Variants in HCST observed in about 807,000 individuals in gnomAD.
The protein encoded by HCST is hematopoietic cell signal transducer.
HCST carries 12 observed loss-of-function variants against 10.8 expected under a neutral mutation model. That is an observed-to-expected ratio of 1.12 (90% confidence interval 0.72 to 1.81). The LOEUF is 1.81. Ranked by LOEUF, HCST falls within the 40% of genes most tolerant of loss-of-function variation. HCST has a pLI of 0.00. For missense variants in HCST, 102 were observed against 117.9 expected, an observed-to-expected ratio of 0.87 and a Z score of 0.62; for synonymous variants, 59 against 51.6, an observed-to-expected ratio of 1.14 and a Z score of -0.61.
intron 2 of HCST, 122 bp from the exon 3 acceptor site, chr19:35,903,650 C>T: frequency 2.1e-6 from 3 of 1,409,212 alleles, no homozygotes; most frequent in East Asian, 2.3e-5. Context: ...ATTCCCCAAG[C>T]GCAACTCCAA....
rs768092136 is a variant in HCST at position 35,903,833 on chromosome 19, T to A, written c.171T>A (p.Asp57Glu). The change falls in exon 3 of 4, where the codon GAT becomes GAA. Residue 57 changes from aspartate to glutamate, a missense_variant. Transcript: ENST00000246551. ...TCCTGGCAGGCCTCGTGGCTGCTGATGCGGTGGCATCGCTGCTCATCGTGG... is the reference window on the plus strand; with the variant it reads ...TCCTGGCAGGCCTCGTGGCTGCTGAAGCGGTGGCATCGCTGCTCATCGTGG... ...LPLLAGLVAADAVASLLIVGA... is the reference protein window; with the variant it reads ...LPLLAGLVAAEAVASLLIVGA... 3 of 1,613,838 alleles carry A rather than the reference T, an allele frequency of 1.9e-6. No homozygotes were observed. The highest frequency in any genetic ancestry group is 1.1e-5 in the South Asian group (1 of 91,076).
At chr19:35,903,972 G>C in intron 3 of HCST, 69 bp downstream of exon 3, 1 of 1,575,356 alleles carries the variant, frequency 6.3e-7, no homozygotes, top group Admixed American at 1.8e-5. Context: ...CAGGGAGGGG[G>C]CCCTTGGGGA....
In HCST at chr19:35,903,758, C is replaced by A. The variant is rs1399434365; in HGVS notation, c.110-14C>A. 2.5e-6 allele frequency: 4 copies of A among 1,613,918 alleles called. No individual in the cohort carries two copies. In the Admixed American group the frequency reaches 5.0e-5, roughly 20 times the overall value. On this transcript the variant is annotated splice_polypyrimidine_tract_variant and intron_variant, in intron 2 of 3. Coordinates refer to ENST00000246551, the MANE Select transcript of HCST (RefSeq NM_014266.4). ...AGCTTGAGTTGTCTCCCTGTTCCGG[C>A]CCCCACTCTCCAGGCTCTTGTTCCG... is the stretch of plus-strand genomic sequence containing the variant.
chr19:35,902,708 G>C (rs971590285), intron 1 of HCST, 72 bp downstream of exon 1: 1 of 1,475,330 alleles, frequency 6.8e-7, no homozygotes. Flanking sequence ...CGTCTGCAGG[G>C]ACGGGTGATG....
At chr19:35,903,483 C>A in intron 2 of HCST, 67 bp downstream of exon 2, 1 of 1,343,578 alleles carries the variant, frequency 7.4e-7, no homozygotes, top group Non-Finnish European at 1.1e-6. Flanking sequence ...TCCAGGTCAC[C>A]ATCCCACCTC....
Position 35,903,879 on chromosome 19 carries a change from C to A in HCST, c.217C>A (p.Arg73Ser). The A allele has an allele frequency of 6.2e-7, 1 of 1,612,192 alleles. No homozygotes were observed. The highest frequency in any genetic ancestry group is 8.5e-7 in the Non-Finnish European group (1 of 1,179,562). Residue 73 changes from arginine to serine, a missense_variant, in exon 3 of 4, where the codon CGC becomes AGC. Arg to Ser is a moderately radical substitution (Grantham distance 110). Coordinates refer to ENST00000246551, the MANE Select transcript of HCST (RefSeq NM_014266.4). ...CGTGGGGGCGGTGTTCCTGTGCGCA[C>A]GCCCACGCCGCAGCCCCGCCCAAGG... ...LIVGAVFLCA[R>S]PRRSPAQEDG...
At chr19:35,903,072 C>G (rs1599635877) in intron 1 of HCST, 1 of 461,064 alleles carries the variant, frequency 2.2e-6, no homozygotes, top group Non-Finnish European at 4.0e-6. Context: ...CTCACGGCAG[C>G]CTTGACTTCC....
Position 35,903,877 on chromosome 19 carries a change from C to A in HCST, c.215C>A (p.Ala72Glu). The A allele has an allele frequency of 6.2e-7, 1 of 1,612,330 alleles. No individual in the cohort carries two copies. Among genetic ancestry groups the A allele is most frequent in the Non-Finnish European group, 8.5e-7 (1 of 1,179,646 alleles). Residue 72 changes from alanine to glutamate, a missense_variant, in exon 3 of 4, where the codon GCA (alanine) becomes GAA (glutamate). By Grantham distance (107) the Ala-to-Glu change is moderately radical. Transcript: ENST00000246551. ...ATCGTGGGGGCGGTGTTCCTGTGCG[C>A]ACGCCCACGCCGCAGCCCCGCCCAA... is the stretch of plus-strand genomic sequence containing the variant. Reference protein sequence around the residue: ...LLIVGAVFLCARPRRSPAQED... With the variant: ...LLIVGAVFLCERPRRSPAQED...
chr19:35,903,496 G>A (rs1975633828), intron 2 of HCST, 80 bp downstream of exon 2: 3 of 1,278,464 alleles, frequency 2.3e-6, no homozygotes, highest in South Asian at 1.2e-5. Context: ...CCCACCTCCC[G>A]TCCCCAAATC....
intron 3 of HCST, 40 bp downstream of exon 3, chr19:35,903,943 G>T (rs766860068): frequency 4.4e-6 from 7 of 1,591,316 alleles, no homozygotes; most frequent in Non-Finnish European, 6.0e-6. Context: ...GGTGTATAGT[G>T]TCCCTAGGGA....
intron 2 of HCST, 98 bp from the exon 3 acceptor site, chr19:35,903,674 C>G: frequency 1.3e-6 from 2 of 1,559,804 alleles, no homozygotes; most frequent in Non-Finnish European, 1.8e-6. Flanking sequence ...ACCTGGGACC[C>G]GCCCCCTCGC....
chr19:35,904,088 C>G lies in HCST; in HGVS notation c.242-32C>G, dbSNP rs377199669. On this transcript the variant is annotated intron_variant, in intron 3 of 3. Coordinates refer to ENST00000246551, the MANE Select transcript of HCST (RefSeq NM_014266.4). ...CCAGGGAAGTGGAGATATGGGTGGT[C>G]AAGCTTCATGCTTTCTCTCCCCTAT... The G allele has an allele frequency of 2.5e-6, 4 of 1,613,160 alleles. No individual in the cohort carries two copies. The African/African-American group carries it at 5.3e-5, about 22-fold the overall frequency.
chr19:35,904,354 A>G lies in HCST; in HGVS notation c.*194A>G. 2.5e-6 allele frequency: 2 copies of G among 807,102 alleles called. No homozygotes were observed. The highest frequency in any genetic ancestry group is 2.9e-5 in the South Asian group (2 of 68,952). The allele number at this position is 807,102 out of a possible 1,614,324, so 50.0% of individuals were successfully genotyped here. ...CTGTTTCTGGATCCAAGGCCCCCTC[A>G]GAACCCCCACATGTCCCCATCCCAT... is the stretch of plus-strand genomic sequence containing the variant. On this transcript the variant is annotated 3_prime_UTR_variant, in exon 4 of 4. Coordinates refer to ENST00000246551, the MANE Select transcript of HCST (RefSeq NM_014266.4).
chr19:35,903,797 C>T lies in HCST; in HGVS notation c.135C>T (p.Leu45=), dbSNP rs773145589. 1 of 1,614,106 alleles carries T rather than the reference C, an allele frequency of 6.2e-7. No individual in the cohort carries two copies. The highest frequency in any genetic ancestry group is 8.5e-7 in the Non-Finnish European group (1 of 1,180,016). Residue 45 remains leucine (L), a synonymous_variant, in exon 3 of 4, where the codon CTC becomes CTT. Transcript: ENST00000246551. ...GCTCTTGTTCCGGATGTGGGTCCCT[C>T]TCTCTGCCGCTCCTGGCAGGCCTCG... The part of the protein sequence containing the change: ...TSGSCSGCGS[L]SLPLLAGLVA...
chr19:35,904,288 C>T lies in HCST; in HGVS notation c.*128C>T, dbSNP rs956497351. On this transcript the variant is annotated 3_prime_UTR_variant, in exon 4 of 4. Coordinates refer to ENST00000246551, the MANE Select transcript of HCST (RefSeq NM_014266.4). ...TGAAACACCTGTAGTCGTATTCTTT[C>T]TCAAAGAACCCCAGAGTTCCCAAAG... 1 of 1,061,098 alleles carries T rather than the reference C, an allele frequency of 9.4e-7. No homozygotes were observed. The highest frequency in any genetic ancestry group is 1.4e-6 in the Non-Finnish European group (1 of 697,040). 65.7% of individuals were successfully genotyped at this position (1,061,098 alleles called of 1,614,324 possible).
At position 35,903,773 on chromosome 19, in the gene HCST, C is replaced by A. The variant is rs1195441556; in HGVS notation, c.111C>A (p.Gly37=). The A allele has an allele frequency of 1.2e-6, 2 of 1,614,022 alleles. No homozygotes were observed. Among genetic ancestry groups the A allele is most frequent in the Non-Finnish European group, 1.7e-6 (2 of 1,180,028 alleles). The part of the protein sequence containing the change: ...SLPAFYPGTS[G]SCSGCGSLSL... ...CCTGTTCCGGCCCCCACTCTCCAGG[C>A]TCTTGTTCCGGATGTGGGTCCCTCT... is the stretch of plus-strand genomic sequence containing the variant. The change falls in exon 3 of 4, where the codon GGC becomes GGA. Residue 37 remains glycine, a splice_region_variant and synonymous_variant. Coordinates refer to ENST00000246551, the MANE Select transcript of HCST (RefSeq NM_014266.4).
Position 35,904,315 on chromosome 19 carries a change from C to A in HCST, c.*155C>A. The stretch of plus-strand genomic sequence containing the variant: ...CAAAGAACCCCAGAGTTCCCAAAGC[C>A]TCCCTCCCATGAACTGTTTCTGGAT... On this transcript the variant is annotated 3_prime_UTR_variant, in exon 4 of 4. Transcript: ENST00000246551. 1.1e-6 allele frequency: 1 copy of A among 896,706 alleles called. No individual in the cohort carries two copies. The highest frequency in any genetic ancestry group is 1.8e-6 in the Non-Finnish European group (1 of 557,356). 55.5% of individuals were successfully genotyped at this position (896,706 alleles called of 1,614,324 possible).
At position 35,904,229 on chromosome 19, in the gene HCST, C is replaced by A. The variant is rs933268000; in HGVS notation, c.*69C>A. 6.8e-7 allele frequency: 1 copy of A among 1,481,144 alleles called. No homozygotes were observed. The highest frequency in any genetic ancestry group is 9.4e-7 in the Non-Finnish European group (1 of 1,064,432). 91.8% of individuals were successfully genotyped at this position (1,481,144 alleles called of 1,614,324 possible). ...GGATGGTGTGTGGTGGCACAGGAAC[C>A]CCCGCCCCAACTTTTGGATTGTAAT... is the stretch of plus-strand genomic sequence containing the variant. On this transcript the variant is annotated 3_prime_UTR_variant, in exon 4 of 4. Coordinates refer to ENST00000246551, the MANE Select transcript of HCST (RefSeq NM_014266.4).
chr19:35,902,842 C>T, intron 1 of HCST: 1 of 570,938 alleles, frequency 1.8e-6, no homozygotes, highest in Non-Finnish European at 3.1e-6. Context: ...TGTTAGCGTC[C>T]CCTTCTCATG....
Sources: allele counts gnomAD v4.1 joint callset, GRCh38; gene constraint gnomAD v4.1.1; transcripts MANE v1.5; gene names NCBI Gene and HGNC (gene_info 2026-07-23, HGNC 2026-07-21).